Variants in GPC5 observed in about 807,000 individuals in gnomAD.
GPC5 encodes glypican 5.
In GPC5, 47 loss-of-function variants were observed where a neutral mutation model predicts 53.9. The ratio of observed to expected loss-of-function variants is 0.87; its 90% CI spans 0.69 to 1.11. The LOEUF is 1.11. Ranked by LOEUF, GPC5 falls within the 50% of genes most tolerant of loss-of-function variation. GPC5 has a pLI of 0.00. For missense variants in GPC5, 748 were observed against 713.1 expected (o/e 1.05, Z -0.56); for synonymous variants, 286 against 263.3 (o/e 1.09, Z -0.84).
chr13:91,651,718 C>CAA (rs36117858), intron 2 of GPC5, among the ~76,000 whole-genome samples: 6,930 of 91,718 alleles, frequency 0.076, 530 homozygotes, highest in African/African-American at 0.2. Context: ...AACTCAGTCT[C>CAA]AAAAAAAAAA....
At chr13:91,908,095 A>C (rs2039574605) in intron 6 of GPC5, 38 bp downstream of exon 6, 1 of 1,379,828 alleles carries the variant, frequency 7.2e-7, no homozygotes, top group Non-Finnish European at 9.5e-7. Flanking sequence ...ATACTCAGTC[A>C]TAAATAATAA....
At chr13:92,205,777 T>C (rs2139067098) in intron 7 of GPC5, among the ~76,000 whole-genome samples, 1 of 152,282 alleles carries the variant, frequency 6.6e-6, no homozygotes, top group South Asian at 2.1e-4. Flanking sequence ...CCAGGCGCGG[T>C]GGCTCACGCC....
At chr13:91,845,021 G>A (rs182000005) in intron 5 of GPC5, among the ~76,000 whole-genome samples, 2 of 152,066 alleles carry the variant, frequency 1.3e-5, no homozygotes, top group Non-Finnish European at 2.9e-5. Flanking sequence ...TGAAAAACAC[G>A]GGACTTATTC....
chr13:91,915,330 A>C (rs2039647763), intron 6 of GPC5, among the ~76,000 whole-genome samples: 1 of 152,168 alleles, frequency 6.6e-6, no homozygotes. Flanking sequence ...CACTGACTTC[A>C]CTATTAGACA....
intron 5 of GPC5, among the ~76,000 whole-genome samples, chr13:91,803,705 TA>T (rs909524296): frequency 6.6e-6 from 1 of 151,340 alleles, no homozygotes; most frequent in Non-Finnish European, 1.5e-5. Context: ...ATTGTTGAAT[TA>T]AATTTCCTAA....
At chr13:91,813,578 A>G (rs2038349044) in intron 5 of GPC5, among the ~76,000 whole-genome samples, 1 of 152,208 alleles carries the variant, frequency 6.6e-6, no homozygotes, top group African/African-American at 2.4e-5. Context: ...GATGATCAAT[A>G]TCAGAAGCAT....
At chr13:91,743,424 G>A (rs2036978854) in intron 4 of GPC5, among the ~76,000 whole-genome samples, 1 of 152,098 alleles carries the variant, frequency 6.6e-6, no homozygotes, top group South Asian at 2.1e-4. Flanking sequence ...AACAGGATGG[G>A]TCCTTCATCT....
intron 3 of GPC5, among the ~76,000 whole-genome samples, chr13:91,725,640 T>C (rs924029577): frequency 2.0e-5 from 3 of 152,186 alleles, no homozygotes; most frequent in Non-Finnish European, 4.4e-5. Context: ...TTTTCTTTTG[T>C]ATTTGAAAAA....
At chr13:91,510,979 TAC>T (rs1885203541) in intron 2 of GPC5, among the ~76,000 whole-genome samples, 1 of 152,176 alleles carries the variant, frequency 6.6e-6, no homozygotes, top group African/African-American at 2.4e-5. Context: ...TTTTATACTG[TAC>T]TGCTTTTACA....
intron 7 of GPC5, among the ~76,000 whole-genome samples, chr13:92,355,877 C>T (rs1042944351): frequency 3.8e-5 from 5 of 132,158 alleles, no homozygotes; most frequent in East Asian, 4.3e-4. Context: ...TTCATTGACC[C>T]TATCATTTTT....
chr13:91,486,622 C>T (rs1326146435), intron 2 of GPC5: 1 of 151,998 alleles, frequency 6.6e-6, no homozygotes, highest in Non-Finnish European at 1.5e-5. Context: ...TCTTTGGAGC[C>T]AAGACAAGAA....
At chr13:91,859,562 C>A (rs147700241) in intron 5 of GPC5, among the ~76,000 whole-genome samples, 1 of 151,780 alleles carries the variant, frequency 6.6e-6, no homozygotes, top group Non-Finnish European at 1.5e-5. Flanking sequence ...CTGCCAAATT[C>A]GTGAGTATAG....
intron 3 of GPC5, among the ~76,000 whole-genome samples, chr13:91,697,569 G>T (rs2035906346): frequency 6.6e-6 from 1 of 151,980 alleles, no homozygotes; most frequent in Non-Finnish European, 1.5e-5. Context: ...AGAAAAAATT[G>T]ATATTTTCAG....
At chr13:92,293,632 G>A (rs997042080) in intron 7 of GPC5, among the ~76,000 whole-genome samples, 1 of 151,898 alleles carries the variant, frequency 6.6e-6, no homozygotes, top group Non-Finnish European at 1.5e-5. Context: ...CGATCATATT[G>A]TCAGCAAACA....
chr13:92,105,837 T>C (rs2138918945), intron 6 of GPC5, among the ~76,000 whole-genome samples: 1 of 152,164 alleles, frequency 6.6e-6, no homozygotes. Context: ...TTGTAAGATC[T>C]GGCACATTTT....
chr13:92,461,548 C>T (rs1282056460), intron 7 of GPC5, among the ~76,000 whole-genome samples: 4 of 152,196 alleles, frequency 2.6e-5, no homozygotes, highest in Admixed American at 6.5e-5. Flanking sequence ...TGTCCTGCTC[C>T]GTTCCTCAAA....
chr13:92,172,980 C>T (rs549603211), intron 7 of GPC5, among the ~76,000 whole-genome samples: 19 of 146,648 alleles, frequency 1.3e-4, no homozygotes, highest in African/African-American at 4.1e-4. Flanking sequence ...ATATAAGAAA[C>T]GTTGCAACAG....
chr13:92,630,900 C>T (rs1885214274), intron 7 of GPC5, among the ~76,000 whole-genome samples: 1 of 152,180 alleles, frequency 6.6e-6, no homozygotes. Flanking sequence ...CTCTTTATGA[C>T]ACAAATCTAG....
chr13:92,054,230 C>CAA (rs1257230776), intron 6 of GPC5, among the ~76,000 whole-genome samples: 19 of 151,426 alleles, frequency 1.3e-4, no homozygotes, highest in African/African-American at 4.6e-4. Context: ...ATTAAGCACA[C>CAA]ACACACACAA....
Sources: allele counts gnomAD v4.1 joint callset (sites outside exome capture counted in the v4.1 genomes callset), GRCh38; gene constraint gnomAD v4.1.1; transcripts MANE v1.5; gene names NCBI Gene and HGNC (gene_info 2026-07-23, HGNC 2026-07-21).